The following CCDC7 variants were observed in gnomAD, a reference collection of about 807,000 sequenced individuals.
CCDC7 encodes coiled-coil domain containing 7.
Under a neutral mutation model 196.9 loss-of-function variants are expected in CCDC7, and 183 were observed. That is an observed-to-expected ratio of 0.93 (90% CI 0.82 to 1.05). The LOEUF is 1.05. Among genes scored for constraint, CCDC7 ranks in the 50% least tolerant of loss-of-function variants. CCDC7 has a pLI of 0.00. For synonymous variants in CCDC7, 525 were observed against 484.6 expected (o/e 1.08, Z -1.10); for missense variants, 1,540 against 1,482.2 (o/e 1.04, Z -0.64).
intron 20 of CCDC7, among the ~76,000 whole-genome samples, chr10:32,654,900 T>G (rs1320674970): frequency 6.6e-6 from 1 of 152,214 alleles, no homozygotes; most frequent in African/African-American, 2.4e-5. Flanking sequence ...CCAATTTTTC[T>G]TTTTGAGATT....
intron 20 of CCDC7, among the ~76,000 whole-genome samples, chr10:32,657,119 G>A (rs147483489): frequency 1.3e-5 from 2 of 152,346 alleles, no homozygotes; most frequent in African/African-American, 2.4e-5. Context: ...GCTTTGTGGG[G>A]TACAGCCCCA....
At chr10:32,694,192 C>T (rs1037238841) in intron 23 of CCDC7, among the ~76,000 whole-genome samples, 1 of 152,164 alleles carries the variant, frequency 6.6e-6, no homozygotes, top group African/African-American at 2.4e-5. Context: ...ACTATGACAA[C>T]CATCATTCAC....
rs2063069238 is a variant in CCDC7 at position 32,618,867 on chromosome 10, G to A, written c.1802-15387G>A. Among the ~76,000 whole-genome samples the A allele has an allele frequency of 2.0e-5, 3 of 151,980 alleles. No individual in the cohort carries two copies. In the South Asian group the frequency reaches 6.2e-4, roughly 31 times the overall value. On this transcript the variant is annotated intron_variant, in intron 18 of 41. Transcript: ENST00000639629. Reference sequence around the variant, plus strand: ...TTTTTGATTGCTCTTCCTTCCTCAGGAATACCAACAATGCATAAGTTCTAT... The same window carrying A: ...TTTTTGATTGCTCTTCCTTCCTCAGAAATACCAACAATGCATAAGTTCTAT...
At chr10:32,491,965 A>G in exon 9 of CCDC7, 1 of 1,581,644 alleles carries the variant, frequency 6.3e-7, no homozygotes, top group Non-Finnish European at 8.6e-7. Context: ...CCATGTTGAA[A>G]GTATTTGAAA....
At chr10:32,685,467 A>C (rs550656654) in intron 21 of CCDC7, among the ~76,000 whole-genome samples, 47 of 152,298 alleles carry the variant, frequency 3.1e-4, no homozygotes, top group African/African-American at 1.1e-3. Flanking sequence ...TAAGCAGAAA[A>C]GAGGAATGAG....
chr10:32,472,633 C>T lies in CCDC7; in HGVS notation c.739+91C>T, dbSNP rs571430140. The T allele has an allele frequency of 6.5e-5, 78 of 1,205,394 alleles. No individual in the cohort carries two copies. In the African/African-American group the frequency reaches 1.1e-3, roughly 18 times the overall value. The allele number at this position is 1,205,394 out of a possible 1,614,324, so 74.7% of individuals were successfully genotyped here. ...TTTTAAAGAGAGGGTCTCACTCTGT[C>T]ACCCATGCTGGAGTGTAGTGGCATG... is the stretch of plus-strand genomic sequence containing the variant. On this transcript the variant is annotated intron_variant, in intron 7 of 41. Transcript: ENST00000639629.
chr10:32,638,436 A>C (rs1354667162), intron 20 of CCDC7, among the ~76,000 whole-genome samples: 1 of 152,174 alleles, frequency 6.6e-6, no homozygotes, highest in Non-Finnish European at 1.5e-5. Context: ...AGTTTTTAGC[A>C]TGAAGGTTGT....
At chr10:32,544,439 T>C in intron 13 of CCDC7, 138 bp downstream of exon 14, 1 of 745,210 alleles carries the variant, frequency 1.3e-6, no homozygotes, top group Non-Finnish European at 1.9e-6. Flanking sequence ...TGTGTGTGTG[T>C]ACTAAAATTC....
intron 16 of CCDC7, among the ~76,000 whole-genome samples, chr10:32,580,987 T>C (rs1210949552): frequency 6.6e-6 from 1 of 152,174 alleles, no homozygotes; most frequent in African/African-American, 2.4e-5. Flanking sequence ...GAAGTGTCCA[T>C]GATTATATGC....
chr10:32,675,965 C>T (rs528372542), intron 21 of CCDC7, among the ~76,000 whole-genome samples: 224 of 151,582 alleles, frequency 1.5e-3, no homozygotes, highest in Non-Finnish European at 2.1e-3. Flanking sequence ...GGAGGCATCA[C>T]GCTACCTGAC....
downstream of CCDC7, among the ~76,000 whole-genome samples, chr10:32,878,427 G>A (rs1411799747): frequency 6.6e-6 from 1 of 152,072 alleles, no homozygotes; most frequent in Non-Finnish European, 1.5e-5. Flanking sequence ...CCTTGGAGAA[G>A]TAGGACCAGG....
chr10:32,805,151 G>GT, intron 30 of CCDC7, 53 bp downstream of exon 31: 1 of 1,291,282 alleles, frequency 7.7e-7, no homozygotes, highest in Non-Finnish European at 1.1e-6. Context: ...CTCCTTCAAA[G>GT]TTTAAGTGTG....
intron 18 of CCDC7, among the ~76,000 whole-genome samples, chr10:32,613,391 A>AT (rs944008851): frequency 1.1e-4 from 16 of 151,534 alleles, no homozygotes; most frequent in Admixed American, 2.6e-4. Context: ...TTTTTGAAGG[A>AT]TTTTTTGTGT....
At chr10:32,657,334 G>A (rs1762539) in intron 20 of CCDC7, among the ~76,000 whole-genome samples, 52,153 of 152,158 alleles carry the variant, frequency 0.34, 11,335 homozygotes, top group Non-Finnish European at 0.49. Flanking sequence ...GAGGTTCTCC[G>A]TGAATGCTCC....
chr10:32,452,042 G>A (rs891154210), intron 1 of CCDC7, 121 bp downstream of exon 2: 1 of 1,332,280 alleles, frequency 7.5e-7, no homozygotes, highest in Non-Finnish European at 9.8e-7. Context: ...ATTTATTACA[G>A]TAGGCACATG....
chr10:32,683,935 G>A (rs563277599), intron 21 of CCDC7, among the ~76,000 whole-genome samples: 5 of 152,294 alleles, frequency 3.3e-5, no homozygotes, highest in African/African-American at 1.2e-4. Context: ...TTGGAGGCAC[G>A]AGATAGCTTT....
Position 32,823,933 on chromosome 10 carries a change from T to C in CCDC7, c.3182-585T>C, listed in dbSNP as rs141580233. Reference sequence around the variant, plus strand: ...GACTTTTTTCACATTACATGCGTTATTTATTATTCTTTTTTATCACTGATG... The same window carrying C: ...GACTTTTTTCACATTACATGCGTTACTTATTATTCTTTTTTATCACTGATG... On this transcript the variant is annotated intron_variant, in intron 31 of 41. Transcript: ENST00000639629. Among the ~76,000 whole-genome samples, 125 of 152,318 alleles carry C rather than the reference T, an allele frequency of 8.2e-4. 1 individual carries two copies. The highest frequency in any genetic ancestry group is 2.7e-3 in the African/African-American group (113 of 41,588).
At chr10:32,444,332 A>G (rs1452853816), upstream of CCDC7, among the ~76,000 whole-genome samples, 4 of 152,220 alleles carry the variant, frequency 2.6e-5, no homozygotes, top group Non-Finnish European at 4.4e-5. Context: ...GCAAAATTTG[A>G]TATTACATGC....
At chr10:32,676,947 A>G (rs1322493996) in intron 21 of CCDC7, among the ~76,000 whole-genome samples, 2 of 152,180 alleles carry the variant, frequency 1.3e-5, no homozygotes, top group African/African-American at 2.4e-5. Flanking sequence ...ACTATTCACA[A>G]TACAAAGACT....
Sources: allele counts gnomAD v4.1 joint callset (sites outside exome capture counted in the v4.1 genomes callset), GRCh38; gene constraint gnomAD v4.1.1; transcripts MANE v1.5; gene names NCBI Gene and HGNC (gene_info 2026-07-23, HGNC 2026-07-21).